Variants in MAP4K3 observed in about 807,000 individuals in gnomAD.
The protein encoded by MAP4K3 is MAPK/ERK kinase kinase kinase 3.
In MAP4K3, 94 loss-of-function variants were observed where a neutral mutation model predicts 143.5. That is an observed-to-expected ratio of 0.65 (90% confidence interval 0.55 to 0.78). The LOEUF is 0.78. MAP4K3 is among the 30% of genes least tolerant of loss of function. The probability of loss-of-function intolerance (pLI) is 0.00; values close to 1 mark genes in which losing one functional copy is unlikely to be tolerated. For missense variants in MAP4K3, 1,077 were observed against 1,068.1 expected, an observed-to-expected ratio of 1.01 and a Z score of -0.12; for synonymous variants, 416 against 347.2, an observed-to-expected ratio of 1.20 and a Z score of -2.20.
intron 1 of MAP4K3, among the ~76,000 whole-genome samples, chr2:39,404,497 G>T (rs1015019553): frequency 2.0e-5 from 3 of 151,864 alleles, no homozygotes; most frequent in Non-Finnish European, 2.9e-5. Context: ...TCCTCTGCCT[G>T]TGGAAAGGGG....
chr2:39,375,383 C>T (rs768848623), intron 2 of MAP4K3, among the ~76,000 whole-genome samples: 1 of 152,100 alleles, frequency 6.6e-6, no homozygotes. Flanking sequence ...TATCAAGTCA[C>T]CAAAGAATAT....
chr2:39,373,550 C>G (rs544443548), intron 2 of MAP4K3, among the ~76,000 whole-genome samples: 34 of 152,280 alleles, frequency 2.2e-4, no homozygotes, highest in African/African-American at 7.7e-4. Context: ...TGTCCATCAA[C>G]AGATGAATGA....
intron 27 of MAP4K3, 101 bp from the exon 28 acceptor site, chr2:39,265,407 T>A: frequency 1.2e-6 from 1 of 800,722 alleles, no homozygotes; most frequent in Non-Finnish European, 2.1e-6. Flanking sequence ...AAACTAAACA[T>A]AAAACAAAAT....
intron 2 of MAP4K3, among the ~76,000 whole-genome samples, chr2:39,367,173 A>G (rs1389648140): frequency 6.6e-6 from 1 of 152,230 alleles, no homozygotes; most frequent in Non-Finnish European, 1.5e-5. Flanking sequence ...TTACATTTAC[A>G]TACATTGTTA....
At chr2:39,329,231 G>C (rs925833094) in intron 8 of MAP4K3, among the ~76,000 whole-genome samples, 2 of 152,130 alleles carry the variant, frequency 1.3e-5, no homozygotes, top group African/African-American at 4.8e-5. Flanking sequence ...GATTTAATGA[G>C]ATGTTTACAA....
intron 12 of MAP4K3, among the ~76,000 whole-genome samples, chr2:39,319,228 ACT>A (rs1491536065): frequency 6.6e-6 from 1 of 151,304 alleles, no homozygotes; most frequent in Non-Finnish European, 1.5e-5. Context: ...TCAATTACAT[ACT>A]TTTTTTTTTT....
At chr2:39,309,238 C>G (rs1422798510) in intron 14 of MAP4K3, among the ~76,000 whole-genome samples, 1 of 152,128 alleles carries the variant, frequency 6.6e-6, no homozygotes, top group Non-Finnish European at 1.5e-5. Context: ...ATCCTCCTGC[C>G]GTAGCCACCC....
chr2:39,331,819 A>C, intron 8 of MAP4K3, 98 bp downstream of exon 8: 1 of 713,502 alleles, frequency 1.4e-6, no homozygotes, highest in Non-Finnish European at 2.2e-6. Flanking sequence ...CTTTTTTCTT[A>C]ATCTTAGTCT....
rs1045521158 is a variant in MAP4K3 at position 39,251,028 on chromosome 2, A to C, written c.2598-323T>G. On this transcript the variant is annotated intron_variant, in intron 33 of 33. Coordinates refer to ENST00000263881, the MANE Select transcript of MAP4K3 (RefSeq NM_003618.4). ...ATTTGCAGTTCAAGAACCAGAAGCTAAATTGCCAGGGTCTGACCCAGAGAC... is the reference window on the plus strand; with the variant it reads ...ATTTGCAGTTCAAGAACCAGAAGCTCAATTGCCAGGGTCTGACCCAGAGAC... Among the ~76,000 whole-genome samples the C allele has an allele frequency of 2.0e-5, 3 of 152,320 alleles. No individual in the cohort carries two copies. The South Asian group carries it at 6.2e-4, about 32-fold the overall frequency.
At position 39,348,384 on chromosome 2, in the gene MAP4K3, G is replaced by C. The variant is rs1043360738; in HGVS notation, c.246-4932C>G. ...TATATAGTAATACTTTACTTTTTAA[G>C]ATGCCTAAAATACTTTACTTTTATA... On this transcript the variant is annotated intron_variant, in intron 3 of 33. Transcript: ENST00000263881. 3.4e-4 allele frequency among the ~76,000 whole-genome samples: 51 copies of C among 151,916 alleles called. 1 individual carries two copies. The highest frequency in any genetic ancestry group is 1.2e-4 in the Non-Finnish European group (8 of 67,944).
At chr2:39,327,198 T>C (rs1683519566) in intron 8 of MAP4K3, among the ~76,000 whole-genome samples, 2 of 152,182 alleles carry the variant, frequency 1.3e-5, no homozygotes, top group Admixed American at 6.5e-5. Context: ...GCAATCCCTG[T>C]TTTTACTTCA....
chr2:39,413,864 GCTT>G (rs1207848525), intron 1 of MAP4K3, among the ~76,000 whole-genome samples: 2 of 151,794 alleles, frequency 1.3e-5, no homozygotes, highest in East Asian at 1.9e-4. Context: ...TTAATTTCTT[GCTT>G]CTTAACAGAA....
chr2:39,392,845 A>G (rs1404168186), intron 1 of MAP4K3, among the ~76,000 whole-genome samples: 1 of 152,198 alleles, frequency 6.6e-6, no homozygotes, highest in Non-Finnish European at 1.5e-5. Flanking sequence ...GGGATGACAC[A>G]GTACAAAGAC....
chr2:39,291,348 G>C (rs1411680463), intron 18 of MAP4K3, among the ~76,000 whole-genome samples: 1 of 151,988 alleles, frequency 6.6e-6, no homozygotes. Context: ...ATTAAAACTG[G>C]GAAAGATAAT....
intron 2 of MAP4K3, among the ~76,000 whole-genome samples, chr2:39,374,756 A>C (rs958845924): frequency 2.6e-5 from 4 of 152,230 alleles, no homozygotes; most frequent in Non-Finnish European, 5.9e-5. Context: ...GAGAAGCAAC[A>C]GTCAGACACC....
At chr2:39,330,317 A>C (rs1486089432) in intron 8 of MAP4K3, among the ~76,000 whole-genome samples, 2 of 152,216 alleles carry the variant, frequency 1.3e-5, no homozygotes, top group Non-Finnish European at 2.9e-5. Flanking sequence ...TGGGCACCAC[A>C]GAAGACACTA....
chr2:39,390,431 G>A (rs1021898030), intron 1 of MAP4K3, among the ~76,000 whole-genome samples: 1 of 152,186 alleles, frequency 6.6e-6, no homozygotes, highest in Non-Finnish European at 1.5e-5. Flanking sequence ...CGCAGACTCT[G>A]AATCAGCAGA....
intron 1 of MAP4K3, among the ~76,000 whole-genome samples, chr2:39,404,733 T>C (rs2148611638): frequency 6.6e-6 from 1 of 150,876 alleles, no homozygotes; most frequent in East Asian, 2.0e-4. Flanking sequence ...GCGATTCTCC[T>C]GCCTCAGCTT....
At chr2:39,326,088 A>G (rs1000649145) in intron 9 of MAP4K3, 58 bp downstream of exon 9, 1 of 1,577,334 alleles carries the variant, frequency 6.3e-7, no homozygotes, top group Non-Finnish European at 8.6e-7. Flanking sequence ...TGTTCATGAC[A>G]GCATACTAAG....
Sources: gnomAD v4.1 joint callset for allele counts (sites outside exome capture counted in the v4.1 genomes callset) on GRCh38, gnomAD v4.1.1 for gene constraint, MANE v1.5 for transcripts, NCBI Gene and HGNC (gene_info 2026-07-23, HGNC 2026-07-21) for gene names.